ZBTB20: variants seen among roughly 807,000 people sequenced by gnomAD.
The protein encoded by ZBTB20 is zinc finger and BTB domain containing 20, also known as zinc finger and BTB domain-containing protein 20.
ZBTB20 carries 9 observed loss-of-function variants against 56.9 expected under a neutral mutation model. The observed-to-expected ratio is 0.16, with a 90% CI of 0.10 to 0.28. ZBTB20 has a LOEUF of 0.28. Ranked by LOEUF, ZBTB20 falls within the 10% of genes least tolerant of loss-of-function variation. The pLI is 1.00. For synonymous variants in ZBTB20, 417 were observed against 420.7 expected (o/e 0.99, Z 0.11); for missense variants, 655 against 1,003.0 (o/e 0.65, Z 4.69).
chr3:114,850,928 G>T (rs1217131723), intron 4 of ZBTB20, among the ~76,000 whole-genome samples: 2 of 152,018 alleles, frequency 1.3e-5, no homozygotes, highest in Non-Finnish European at 2.9e-5. Context: ...TCAGTTGAGG[G>T]ATTAAAAAAA....
At chr3:115,098,480 A>G (rs2083459561) in intron 1 of ZBTB20, among the ~76,000 whole-genome samples, 1 of 152,184 alleles carries the variant, frequency 6.6e-6, no homozygotes, top group African/African-American at 2.4e-5. Context: ...ATATTAACAT[A>G]AAATACTCTC....
chr3:114,823,729 CACTT>C (rs2073372910), intron 4 of ZBTB20, among the ~76,000 whole-genome samples: 2 of 152,038 alleles, frequency 1.3e-5, no homozygotes, highest in South Asian at 4.1e-4. Context: ...ACATACTACT[CACTT>C]AAGAAATATC....
intron 2 of ZBTB20, among the ~76,000 whole-genome samples, chr3:115,033,151 T>C (rs191340138): frequency 2.8e-3 from 425 of 151,002 alleles, no homozygotes; most frequent in Admixed American, 5.9e-3. Flanking sequence ...AAGACTCAAA[T>C]TACAAAAATC....
At position 114,350,963 on chromosome 3, in the gene ZBTB20, C is replaced by T. The variant is rs1309181331; in HGVS notation, c.1115G>A (p.Gly372Asp). Residue 372 changes from glycine (G) to aspartate (D), a missense_variant, in exon 11 of 12, where the codon GGT becomes GAT. Physicochemically the swap from Gly to Asp is moderately conservative, Grantham distance 94. This residue lies in a region of ZBTB20 where 156 missense variants were observed against 181.0 expected (regional missense o/e 0.86). Transcript: ENST00000675478. ...QAEGTESEPKGESFDSGVSSS... is the reference protein window; with the variant it reads ...QAEGTESEPKDESFDSGVSSS... ...GCTGACGCCCGAGTCGAAGCTTTCA[C>T]CTTTGGGCTCACTCTCGGTGCCCTC... 1 of 1,607,412 alleles carries T rather than the reference C, an allele frequency of 6.2e-7. No individual in the cohort carries two copies. Among genetic ancestry groups the T allele is most frequent in the Admixed American group, 1.7e-5 (1 of 59,984 alleles).
At chr3:114,768,414 A>C (rs1314216409) in intron 5 of ZBTB20, among the ~76,000 whole-genome samples, 1 of 152,076 alleles carries the variant, frequency 6.6e-6, no homozygotes, top group Non-Finnish European at 1.5e-5. Flanking sequence ...CTAATATATA[A>C]TACTGCCCTG....
chr3:114,874,299 T>G lies in ZBTB20; in HGVS notation c.-417+26005A>C, dbSNP rs553949206. On this transcript the variant is annotated intron_variant, in intron 4 of 11. Transcript: ENST00000675478. ...AATGCTTTTTGCTCTCTGAATACAT[T>G]CAAACAAGTAGATATCACAGCATTT... Among the ~76,000 whole-genome samples, 19 of 152,204 alleles carry G rather than the reference T, an allele frequency of 1.2e-4. No individual in the cohort carries two copies. The South Asian group carries it at 3.7e-3, about 30-fold the overall frequency.
intron 6 of ZBTB20, among the ~76,000 whole-genome samples, chr3:114,625,776 C>T (rs901709789): frequency 2.0e-5 from 3 of 152,050 alleles, no homozygotes; most frequent in Non-Finnish European, 4.4e-5. Context: ...AAACACTTCT[C>T]CCTCTGCAGT....
chr3:114,684,334 T>G (rs1430153162), intron 6 of ZBTB20, among the ~76,000 whole-genome samples: 1 of 152,202 alleles, frequency 6.6e-6, no homozygotes, highest in Non-Finnish European at 1.5e-5. Flanking sequence ...TGGGGCCTAT[T>G]GAAAATTTTT....
chr3:114,369,354 TGGAGA>T lies in ZBTB20; in HGVS notation c.199+10858_199+10862del, dbSNP rs1212796564. Among the ~76,000 whole-genome samples the T allele has an allele frequency of 2.0e-5, 3 of 152,148 alleles. No homozygotes were observed. In the East Asian group the frequency reaches 5.8e-4, roughly 29 times the overall value. ...GTAGGAGGAAACTCATTTTTAGAAT[TGGAGA>T]GGAAAGGAAAAAACTCCTCAAGGTC... is the stretch of plus-strand genomic sequence containing the variant. On this transcript the variant is annotated intron_variant, in intron 10 of 11. Coordinates refer to ENST00000675478, the MANE Select transcript of ZBTB20 (RefSeq NM_001348800.3).
At chr3:114,954,476 T>G (rs1263995377) in intron 3 of ZBTB20, among the ~76,000 whole-genome samples, 1 of 151,888 alleles carries the variant, frequency 6.6e-6, no homozygotes, top group Non-Finnish European at 1.5e-5. Flanking sequence ...CTATTTTAGT[T>G]ACACACACAC....
chr3:114,391,068 C>A (rs941026157), intron 7 of ZBTB20, among the ~76,000 whole-genome samples: 2 of 152,120 alleles, frequency 1.3e-5, no homozygotes, highest in Non-Finnish European at 2.9e-5. Flanking sequence ...TGAATCAATA[C>A]CTGTTTTCTA....
chr3:114,982,111 C>G (rs1399516235), intron 2 of ZBTB20, among the ~76,000 whole-genome samples: 1 of 151,976 alleles, frequency 6.6e-6, no homozygotes, highest in African/African-American at 2.4e-5. Context: ...ACAATCAAAG[C>G]TGACCTCTCA....
chr3:114,800,064 T>C (rs2071603917), intron 5 of ZBTB20, among the ~76,000 whole-genome samples: 1 of 151,928 alleles, frequency 6.6e-6, no homozygotes, highest in African/African-American at 2.4e-5. Flanking sequence ...ACATCTGGCA[T>C]TCCAACAATA....
At chr3:115,039,986 G>T (rs1279438575) in intron 2 of ZBTB20, among the ~76,000 whole-genome samples, 1 of 151,992 alleles carries the variant, frequency 6.6e-6, no homozygotes. Flanking sequence ...ACACACAAAT[G>T]ATAAGTATGT....
Position 114,329,156 on chromosome 3 carries a change from G to C in ZBTB20, c.*9849C>G, listed in dbSNP as rs2079154929. On this transcript the variant is annotated 3_prime_UTR_variant, in exon 12 of 12. Transcript: ENST00000675478. ...GCAGGGAGCTTGGCTAAGGTGAAAAGGGACTTGCTGGAGAGGTACAGCAGA... is the reference window on the plus strand; with the variant it reads ...GCAGGGAGCTTGGCTAAGGTGAAAACGGACTTGCTGGAGAGGTACAGCAGA... 6.6e-6 allele frequency: 1 copy of C among 152,174 alleles called. No homozygotes were observed. Among genetic ancestry groups the C allele is most frequent in the Admixed American group, 6.5e-5 (1 of 15,280 alleles). 9.4% of individuals were successfully genotyped at this position (152,174 alleles called of 1,614,324 possible). A position where few individuals can be genotyped will look rare whatever the true frequency, so the allele number is the denominator to read the frequency against.
In ZBTB20 at chr3:114,315,665, A is replaced by G. The variant is rs1211410804; in HGVS notation, c.*23340T>C. The G allele has an allele frequency of 1.3e-5, 2 of 152,126 alleles. No homozygotes were observed. The highest frequency in any genetic ancestry group is 4.8e-5 in the African/African-American group (2 of 41,380). 9.4% of individuals were successfully genotyped at this position (152,126 alleles called of 1,614,324 possible). A position where few individuals can be genotyped will look rare whatever the true frequency, so the allele number is the denominator to read the frequency against. On this transcript the variant is annotated 3_prime_UTR_variant, in exon 12 of 12. Transcript: ENST00000675478. ...CCTTTCCATACTAAGATACAATGTG[A>G]TAAGAAACATTTCTGTGCAGGGAAA...
intron 5 of ZBTB20, among the ~76,000 whole-genome samples, chr3:114,726,980 G>C (rs966458267): frequency 6.8e-6 from 1 of 147,960 alleles, no homozygotes. Flanking sequence ...GAGTTTCATG[G>C]ATAAGAAAGA....
At chr3:114,502,320 T>C (rs1257590023) in intron 6 of ZBTB20, among the ~76,000 whole-genome samples, 1 of 152,200 alleles carries the variant, frequency 6.6e-6, no homozygotes. Flanking sequence ...ATTAAAGACA[T>C]CACCCTTCCT....
intron 2 of ZBTB20, among the ~76,000 whole-genome samples, chr3:115,013,419 T>C (rs1026213228): frequency 7.3e-5 from 11 of 151,118 alleles, no homozygotes; most frequent in African/African-American, 2.4e-4. Context: ...TAGAAAGAAA[T>C]AGAAAAATTT....
Sources: allele counts gnomAD v4.1 joint callset (sites outside exome capture counted in the v4.1 genomes callset), GRCh38; gene constraint gnomAD v4.1.1; regional missense constraint gnomAD v4.1.1; transcripts MANE v1.5; gene names NCBI Gene and HGNC (gene_info 2026-07-23, HGNC 2026-07-21).